KLK8: variants seen among roughly 807,000 people sequenced by gnomAD.
KLK8 encodes kallikrein-8.
In KLK8, 18 loss-of-function variants were observed where a neutral mutation model predicts 26.7. That is an observed-to-expected ratio of 0.67 (90% CI 0.47 to 1.00). The LOEUF is 1.00. Ranked by LOEUF, KLK8 falls within the 50% of genes least tolerant of loss-of-function variation. KLK8 has a pLI of 0.00. For missense variants in KLK8, 301 were observed against 331.7 expected, an observed-to-expected ratio of 0.91 and a Z score of 0.72; for synonymous variants, 137 against 127.1, an observed-to-expected ratio of 1.08 and a Z score of -0.52.
chr19:50,997,869 G>T, exon 6 of KLK8: 1 of 1,614,144 alleles, frequency 6.2e-7, no homozygotes, highest in Non-Finnish European at 8.5e-7. Context: ...ACAGTTGAGA[G>T]TGTCAGGAAA....
chr19:50,996,022 T>G, exon 7 of KLK8: 3 of 1,606,334 alleles, frequency 1.9e-6, no homozygotes, highest in Non-Finnish European at 2.6e-6. Flanking sequence ...CAGAGAGTTG[T>G]GAGTTTATTA....
chr19:51,000,425 G>A, exon 4 of KLK8: 2 of 1,605,256 alleles, frequency 1.2e-6, no homozygotes, highest in South Asian at 2.2e-5. Flanking sequence ...TCCACTCACG[G>A]TTTTTTACAG....
intron 6 of KLK8, 101 bp from the exon 6 acceptor site, chr19:50,996,315 C>A (rs1198360283): frequency 1.5e-6 from 2 of 1,322,000 alleles, no homozygotes; most frequent in Non-Finnish European, 1.1e-6. Context: ...TGATTGGTCC[C>A]CTGTAGCCAA....
rs773314014 is a variant in KLK8 at position 51,000,149 on chromosome 19, C to T, written c.340G>A (p.Val114Met). ...ATCAGATCATGGTTGTGGTCCTCCA[C>T]ATCGCTGCTGTTGTAGCAGGGGTGT... Residue 114 changes from valine (V) to methionine (M), a missense_variant, in exon 5 of 7, where the codon GTG becomes ATG. By Grantham distance (21) the Val-to-Met change is conservative (BLOSUM62 1). Coordinates refer to ENST00000600767, the Ensembl canonical transcript of KLK8. 16 of 1,613,782 alleles carry T rather than the reference C, an allele frequency of 9.9e-6. No individual in the cohort carries two copies. Among genetic ancestry groups the T allele is most frequent in the Middle Eastern group, 1.6e-4 (1 of 6,084 alleles).
intron 5 of KLK8, 131 bp from the exon 5 acceptor site, chr19:50,998,015 A>T: frequency 9.1e-7 from 1 of 1,104,770 alleles, no homozygotes; most frequent in Non-Finnish European, 1.3e-6. Context: ...ATTTTCTGAC[A>T]CTGTGCACAG....
intron 6 of KLK8, among the ~76,000 whole-genome samples, chr19:50,997,398 A>G (rs1265034881): frequency 6.6e-6 from 1 of 152,088 alleles, no homozygotes; most frequent in Non-Finnish European, 1.5e-5. Context: ...CCACGATGTA[A>G]TGCTGGGAAC....
chr19:50,997,692 T>G, intron 6 of KLK8, 59 bp downstream of exon 5: 40 of 1,416,432 alleles, frequency 2.8e-5, no homozygotes, highest in Non-Finnish European at 3.7e-5. Flanking sequence ...CATCCAAGCC[T>G]TGAACCTCGA....
intron 3 of KLK8, 91 bp from the exon 3 acceptor site, chr19:51,000,674 A>G: frequency 6.3e-7 from 1 of 1,575,334 alleles, no homozygotes; most frequent in East Asian, 2.3e-5. Flanking sequence ...ACACACGGCA[A>G]GTTCTCCGCA....
chr19:50,999,471 C>T lies in KLK8; in HGVS notation c.493+525G>A, dbSNP rs141436812. ...GCGGGTGCCTGTAATCCCAGCTACTCGGGAGGCTGAGGTTCGAGAATCGCT... is the reference window on the plus strand; with the variant it reads ...GCGGGTGCCTGTAATCCCAGCTACTTGGGAGGCTGAGGTTCGAGAATCGCT... On this transcript the variant is annotated intron_variant, in intron 5 of 6. Coordinates refer to ENST00000600767, the Ensembl canonical transcript of KLK8. 3.1e-3 allele frequency among the ~76,000 whole-genome samples: 471 copies of T among 150,454 alleles called. 1 individual carries two copies. The highest frequency in any genetic ancestry group is 5.5e-3 in the African/African-American group (227 of 40,930).
chr19:51,001,256 C>T, intron 2 of KLK8, 81 bp from the exon 2 acceptor site: 2 of 1,212,350 alleles, frequency 1.6e-6, no homozygotes, highest in Non-Finnish European at 2.4e-6. Context: ...ACTGGGGAGG[C>T]AGCCGAGAGT....
At chr19:50,997,466 T>C (rs1005074840) in intron 6 of KLK8, among the ~76,000 whole-genome samples, 1 of 152,186 alleles carries the variant, frequency 6.6e-6, no homozygotes, top group African/African-American at 2.4e-5. Context: ...GCTGGACATC[T>C]ACCCCACCCT....
exon 5 of KLK8, chr19:51,000,171 G>T (rs2091208425): frequency 6.2e-7 from 1 of 1,613,294 alleles, no homozygotes; most frequent in South Asian, 1.1e-5. Flanking sequence ...TGTAGCAGGG[G>T]TGTGGGATGG....
At chr19:50,996,365 G>A (rs76337825) in intron 6 of KLK8, 151 bp from the exon 6 acceptor site, 16,836 of 722,784 alleles carry the variant, frequency 0.023, 417 homozygotes, top group African/African-American at 0.092. Context: ...AGTCAGGACA[G>A]GGCTTGGGGC....
At chr19:51,001,012 A>T (rs2091219543) in intron 3 of KLK8, 86 bp downstream of exon 2, 1 of 1,261,306 alleles carries the variant, frequency 7.9e-7, no homozygotes, top group Admixed American at 2.0e-5. Context: ...GCACCCACAT[A>T]ACCCCCGCGG....
exon 3 of KLK8, chr19:51,001,140 T>G: frequency 6.2e-7 from 1 of 1,613,520 alleles, no homozygotes; most frequent in Non-Finnish European, 8.5e-7. Context: ...ATCCACGTCT[T>G]GGCCGCACGA....
chr19:51,001,260 C>A, intron 2 of KLK8, 85 bp from the exon 2 acceptor site: 1 of 1,166,428 alleles, frequency 8.6e-7, no homozygotes, highest in Non-Finnish European at 1.3e-6. Flanking sequence ...GGGAGGCAGC[C>A]GAGAGTATCT....
At chr19:50,997,999 G>A (rs1049145712) in intron 5 of KLK8, 115 bp from the exon 5 acceptor site, 5 of 1,339,372 alleles carry the variant, frequency 3.7e-6, no homozygotes, top group Non-Finnish European at 5.2e-6. Flanking sequence ...CCAGCTGCAT[G>A]GGGGAATTTT....
At chr19:50,997,939 C>A in intron 5 of KLK8, 55 bp from the exon 5 acceptor site, 1 of 1,605,684 alleles carries the variant, frequency 6.2e-7, no homozygotes, top group South Asian at 1.1e-5. Flanking sequence ...TGCCTCCATC[C>A]CTGTCTGGAT....
In KLK8 at chr19:50,999,943, C is replaced by T. The variant is rs550485493; in HGVS notation, c.493+53G>A. ...CAAGCTTTGCCAATAGCTTGGGTTC[C>T]ACTGGGCCAACCAGCTCCTCCTCTC... On this transcript the variant is annotated intron_variant, in intron 5 of 6. Coordinates refer to ENST00000600767, the Ensembl canonical transcript of KLK8. The T allele has an allele frequency of 3.5e-5, 53 of 1,535,068 alleles. No individual in the cohort carries two copies. The Admixed American group carries it at 4.8e-4, about 14-fold the overall frequency.
Sources: allele counts gnomAD v4.1 joint callset (sites outside exome capture counted in the v4.1 genomes callset), GRCh38; gene constraint gnomAD v4.1.1; transcripts MANE v1.5; gene names NCBI Gene and HGNC (gene_info 2026-07-23, HGNC 2026-07-21).